WDR11: variants seen among roughly 807,000 people sequenced by gnomAD.
The protein encoded by WDR11 is WD repeat domain 11, also known as WD repeat-containing protein 11.
A neutral mutation model predicts 151.2 loss-of-function variants in WDR11; 83 were observed. The ratio of observed to expected loss-of-function variants is 0.55; its 90% confidence interval spans 0.46 to 0.66. The LOEUF (loss-of-function observed/expected upper bound fraction) is 0.66, where lower values mean the gene tolerates loss of function less well. Among genes scored for constraint, WDR11 ranks in the 30% least tolerant of loss-of-function variants. The probability of loss-of-function intolerance (pLI) is 0.00; values close to 1 mark genes in which losing one functional copy is unlikely to be tolerated. For missense variants in WDR11, 1,301 were observed against 1,480.9 expected, an observed-to-expected ratio of 0.88 and a Z score of 1.99; for synonymous variants, 484 against 533.1, an observed-to-expected ratio of 0.91 and a Z score of 1.27.
chr10:120,862,404 C>G (rs190013581), intron 4 of WDR11: 1 of 229,578 alleles, frequency 4.4e-6, no homozygotes, highest in East Asian at 1.2e-4. Context: ...TCCCAAAGTG[C>G]TGGGATAATA....
intron 9 of WDR11, among the ~76,000 whole-genome samples, chr10:120,869,422 T>G (rs1277876957): frequency 6.6e-6 from 1 of 152,100 alleles, no homozygotes; most frequent in Non-Finnish European, 1.5e-5. Flanking sequence ...CAAATTACAG[T>G]TTTTAAGAGA....
rs1485080224 is a variant in WDR11, at chr10:120,871,158, A to T, written c.1295-12A>T. The T allele has an allele frequency of 6.2e-7, 1 of 1,613,954 alleles. No homozygotes were observed. Among genetic ancestry groups the T allele is most frequent in the South Asian group, 1.1e-5 (1 of 91,056 alleles). On this transcript the variant is annotated splice_polypyrimidine_tract_variant and intron_variant, in intron 9 of 28. Transcript: ENST00000263461. The stretch of plus-strand genomic sequence containing the variant: ...TGTAGTTAATATATTTGTTATTTTT[A>T]TTACAAATCAGGGCAAAGTGCAATT...
intron 27 of WDR11, chr10:120,906,320 C>A: frequency 7.8e-7 from 1 of 1,288,608 alleles, no homozygotes; most frequent in Non-Finnish European, 9.9e-7. Context: ...ACTAGAGCAA[C>A]TGAGAGGAGG....
chr10:120,870,278 ACTTTTC>A (rs1216517647), intron 9 of WDR11, among the ~76,000 whole-genome samples: 3 of 152,180 alleles, frequency 2.0e-5, no homozygotes, highest in Non-Finnish European at 4.4e-5. Flanking sequence ...AATTATTTAT[ACTTTTC>A]CTTTCACACT....
At chr10:120,861,241 C>G (rs1442416048) in intron 4 of WDR11, among the ~76,000 whole-genome samples, 1 of 152,024 alleles carries the variant, frequency 6.6e-6, no homozygotes, top group African/African-American at 2.4e-5. Context: ...GTGTGTGTGT[C>G]TGCACGTGTT....
rs777538089 is a variant in WDR11 at position 120,903,247 on chromosome 10, A to T, written c.2931+15A>T. On this transcript the variant is annotated intron_variant, in intron 23 of 28. Transcript: ENST00000263461. ...CCTACTTTCAGGTAGTCTGCTTCAC[A>T]CAGCAAAACCTTTAGAGCTGTCATC... The T allele has an allele frequency of 6.2e-7, 1 of 1,614,114 alleles. No individual in the cohort carries two copies. Among genetic ancestry groups the T allele is most frequent in the Non-Finnish European group, 8.5e-7 (1 of 1,179,984 alleles).
chr10:120,905,341 G>A lies in WDR11; in HGVS notation c.3216G>A (p.Leu1072=). 1.2e-6 allele frequency: 2 copies of A among 1,614,052 alleles called. No individual in the cohort carries two copies. The highest frequency in any genetic ancestry group is 8.5e-7 in the Non-Finnish European group (1 of 1,180,040). The change falls in exon 26 of 29, where the codon CTG becomes CTA. Residue 1072 remains leucine, a synonymous_variant. Transcript: ENST00000263461. ...CAGAGGGCGTTCAGTTGCTCTGCCT[G>A]ATAGATAAGGCTGCAGACGCCTGCC... The part of the protein sequence containing the change: ...KLAEGVQLLC[L]IDKAADACRY...
At chr10:120,855,870 G>T (rs1845927787) in intron 2 of WDR11, among the ~76,000 whole-genome samples, 1 of 152,086 alleles carries the variant, frequency 6.6e-6, no homozygotes, top group Non-Finnish European at 1.5e-5. Flanking sequence ...TGTTGCATTG[G>T]CTAGGACCTC....
intron 20 of WDR11, 117 bp downstream of exon 20, chr10:120,900,254 G>A (rs1847765561): frequency 1.1e-6 from 1 of 894,856 alleles, no homozygotes; most frequent in Non-Finnish European, 1.8e-6. Context: ...TTAAAGCCGA[G>A]AGAAGGCAGA....
chr10:120,871,028 T>TA (rs1377574085), intron 9 of WDR11, 142 bp from the exon 10 acceptor site: 14 of 832,192 alleles, frequency 1.7e-5, no homozygotes, highest in Non-Finnish European at 7.5e-6. Context: ...ATTGTGTCCT[T>TA]AATAACTACA....
intron 11 of WDR11, among the ~76,000 whole-genome samples, chr10:120,874,680 G>A (rs1220573867): frequency 6.6e-6 from 1 of 151,954 alleles, no homozygotes; most frequent in Non-Finnish European, 1.5e-5. Flanking sequence ...CTGTTCCTGT[G>A]TTAGTTTGCT....
At position 120,865,740 on chromosome 10, in the gene WDR11, A is replaced by G. The variant is rs779499919; in HGVS notation, c.990A>G (p.Glu330=). The G allele has an allele frequency of 1.9e-6, 3 of 1,587,560 alleles. No homozygotes were observed. The highest frequency in any genetic ancestry group is 2.2e-4 in the Middle Eastern group (1 of 4,620). ...YNNIFTTSNE[E]PDPDPVQELT... ...ACATTTTTACCACTTCAAATGAGGA[A>G]CCAGGTGAGTTTCTGTCTCACAATA... Residue 330 remains glutamate (E), a synonymous_variant, in exon 7 of 29, where the codon GAA becomes GAG. Transcript: ENST00000263461.
At chr10:120,908,072 T>C (rs1448894589) in intron 28 of WDR11, 1 of 186,690 alleles carries the variant, frequency 5.4e-6, no homozygotes, top group African/African-American at 2.4e-5. Flanking sequence ...CCCAATAGGC[T>C]GTTTAAAAAA....
intron 19 of WDR11, among the ~76,000 whole-genome samples, chr10:120,893,261 G>A (rs1253008701): frequency 1.3e-5 from 2 of 150,354 alleles, no homozygotes; most frequent in African/African-American, 4.9e-5. Context: ...GAGAACATGC[G>A]GTGTTTGGTT....
chr10:120,883,971 C>A (rs371123727), intron 14 of WDR11, 83 bp downstream of exon 14: 54 of 1,129,040 alleles, frequency 4.8e-5, no homozygotes, highest in South Asian at 3.0e-4. Flanking sequence ...GAATCAAAAT[C>A]ATTACTGCCA....
intron 1 of WDR11, chr10:120,852,286 T>C (rs1845805740): frequency 2.1e-6 from 1 of 473,348 alleles, no homozygotes; most frequent in Non-Finnish European, 3.8e-6. Flanking sequence ...CTCGGGTCTC[T>C]ATTTTCATAT....
In WDR11 at chr10:120,885,884, G is replaced by A. The variant is rs1268596013; in HGVS notation, c.1919G>A (p.Arg640His). The change falls in exon 15 of 29, where the codon CGC becomes CAC. Residue 640 changes from arginine to histidine, a missense_variant. Transcript: ENST00000263461. ...KQLATREAMA[R>H]QTVVSDTELS... Reference sequence around the variant, plus strand: ...CTTGCAACTCGAGAGGCCATGGCCCGCCAGACCGTAGTCTCAGACACAGAG... The same window carrying A: ...CTTGCAACTCGAGAGGCCATGGCCCACCAGACCGTAGTCTCAGACACAGAG... The A allele has an allele frequency of 3.7e-6, 6 of 1,613,784 alleles. No individual in the cohort carries two copies. The highest frequency in any genetic ancestry group is 4.2e-6 in the Non-Finnish European group (5 of 1,179,784).
chr10:120,855,273 G>C (rs764490580), intron 2 of WDR11, among the ~76,000 whole-genome samples: 1 of 152,174 alleles, frequency 6.6e-6, no homozygotes, highest in Non-Finnish European at 1.5e-5. Flanking sequence ...ATACAGCATG[G>C]ATGTTCTGGA....
chr10:120,881,356 C>G (rs1847000271), intron 13 of WDR11, among the ~76,000 whole-genome samples: 1 of 152,010 alleles, frequency 6.6e-6, no homozygotes, highest in Non-Finnish European at 1.5e-5. Flanking sequence ...AGTTTTCAAA[C>G]TTGTTTTGGC....
Sources: gnomAD v4.1 joint callset for allele counts (sites outside exome capture counted in the v4.1 genomes callset) on GRCh38, gnomAD v4.1.1 for gene constraint, MANE v1.5 for transcripts, NCBI Gene and HGNC (gene_info 2026-07-23, HGNC 2026-07-21) for gene names.